Variants in PEBP4 observed in about 807,000 individuals in gnomAD.
PEBP4 encodes phosphatidylethanolamine-binding protein 4.
A neutral mutation model predicts 23.9 loss-of-function variants in PEBP4; 22 were observed. That is an observed-to-expected ratio of 0.92 (90% confidence interval 0.66 to 1.31). The LOEUF is 1.31. Among genes scored for constraint, PEBP4 ranks in the 40% most tolerant of loss-of-function variants. The pLI, the probability that PEBP4 is intolerant of heterozygous loss-of-function variation, is 0.00. For missense variants in PEBP4, 324 were observed against 281.7 expected (o/e 1.15, Z -1.07); for synonymous variants, 112 against 99.3 (o/e 1.13, Z -0.76).
intron 4 of PEBP4, among the ~76,000 whole-genome samples, chr8:22,806,016 A>G (rs1229674200): frequency 6.6e-6 from 1 of 152,156 alleles, no homozygotes; most frequent in Non-Finnish European, 1.5e-5. Flanking sequence ...CAACTCCCAC[A>G]TTGTGGCTTG....
intron 3 of PEBP4, among the ~76,000 whole-genome samples, chr8:22,902,144 C>A (rs1283855243): frequency 6.6e-6 from 1 of 151,916 alleles, no homozygotes; most frequent in Non-Finnish European, 1.5e-5. Flanking sequence ...CATGGACAAA[C>A]CCCTAAAAAT....
At chr8:22,880,941 G>A (rs1249958043) in intron 3 of PEBP4, among the ~76,000 whole-genome samples, 1 of 152,236 alleles carries the variant, frequency 6.6e-6, no homozygotes, top group African/African-American at 2.4e-5. Context: ...GCCCTTGCCA[G>A]GTCCCACCAC....
intron 3 of PEBP4, among the ~76,000 whole-genome samples, chr8:22,906,643 C>A (rs1395351128): frequency 6.6e-6 from 1 of 152,222 alleles, no homozygotes; most frequent in Non-Finnish European, 1.5e-5. Context: ...CCATCACCAC[C>A]ATCATCCTCA....
chr8:22,870,748 A>T (rs964553486), intron 3 of PEBP4, among the ~76,000 whole-genome samples: 1 of 152,110 alleles, frequency 6.6e-6, no homozygotes. Flanking sequence ...TGGGGACCAA[A>T]AACTGCTCTA....
chr8:22,722,193 A>T (rs915723122), intron 6 of PEBP4, among the ~76,000 whole-genome samples: 2 of 151,928 alleles, frequency 1.3e-5, no homozygotes, highest in African/African-American at 4.8e-5. Flanking sequence ...AAAAAAAAAA[A>T]ATCTATGGTT....
At chr8:22,830,858 G>A (rs1339264290) in intron 3 of PEBP4, among the ~76,000 whole-genome samples, 1 of 152,046 alleles carries the variant, frequency 6.6e-6, no homozygotes, top group Non-Finnish European at 1.5e-5. Context: ...TGGTCTCTTT[G>A]AAACCCTAAG....
At chr8:22,805,460 G>A (rs934676478) in intron 4 of PEBP4, among the ~76,000 whole-genome samples, 17 of 152,230 alleles carry the variant, frequency 1.1e-4, no homozygotes, top group African/African-American at 4.1e-4. Context: ...CCAAGTAGCT[G>A]GGATTACAGG....
chr8:22,931,234 A>C (rs1468953685), upstream of PEBP4, among the ~76,000 whole-genome samples: 1 of 152,202 alleles, frequency 6.6e-6, no homozygotes, highest in Non-Finnish European at 1.5e-5. Flanking sequence ...ATTAAAAATT[A>C]ATTGAGATAT....
At chr8:22,837,340 G>A (rs1347795592) in intron 3 of PEBP4, among the ~76,000 whole-genome samples, 3 of 152,170 alleles carry the variant, frequency 2.0e-5, no homozygotes, top group East Asian at 3.8e-4. Flanking sequence ...AAATCAGGCC[G>A]TGACTTGTAG....
At chr8:22,920,095 G>A (rs940890605) in intron 3 of PEBP4, 89 bp downstream of exon 3, 33 of 1,516,928 alleles carry the variant, frequency 2.2e-5, no homozygotes, top group East Asian at 4.6e-5. Context: ...GGCTCTGCAC[G>A]CAGCTTCAAG....
intron 3 of PEBP4, among the ~76,000 whole-genome samples, chr8:22,828,682 C>T (rs1157763695): frequency 6.6e-6 from 1 of 152,204 alleles, no homozygotes; most frequent in East Asian, 1.9e-4. Context: ...GTCTTGGTTG[C>T]TGTCATCTAT....
chr8:22,916,027 T>C (rs914064125), intron 3 of PEBP4, among the ~76,000 whole-genome samples: 1 of 152,168 alleles, frequency 6.6e-6, no homozygotes, highest in Non-Finnish European at 1.5e-5. Flanking sequence ...TGGGCTGGCA[T>C]GAAATGCACT....
chr8:22,740,965 C>A (rs925199687), intron 4 of PEBP4, among the ~76,000 whole-genome samples: 10 of 152,180 alleles, frequency 6.6e-5, no homozygotes, highest in East Asian at 3.9e-4. Context: ...ATGCTCCCCC[C>A]ACCTACCCTA....
intron 4 of PEBP4, among the ~76,000 whole-genome samples, chr8:22,801,998 G>A (rs758573122): frequency 2.9e-4 from 44 of 152,118 alleles, no homozygotes; most frequent in Non-Finnish European, 5.6e-4. Context: ...TCAGTCAAGG[G>A]CTTGATGGGC....
intron 6 of PEBP4, among the ~76,000 whole-genome samples, chr8:22,714,724 T>C (rs574551108): frequency 1.3e-5 from 2 of 151,904 alleles, no homozygotes; most frequent in Non-Finnish European, 2.9e-5. Context: ...CACTTGAGAC[T>C]CACGGGCCAC....
intron 1 of PEBP4, among the ~76,000 whole-genome samples, chr8:22,940,211 C>T (rs1809591703): frequency 6.6e-6 from 1 of 152,184 alleles, no homozygotes; most frequent in African/African-American, 2.4e-5. Context: ...CTTCCTATAT[C>T]ATGGAAGGGA....
intron 4 of PEBP4, among the ~76,000 whole-genome samples, chr8:22,805,721 A>G (rs978792978): frequency 6.6e-6 from 1 of 152,218 alleles, no homozygotes; most frequent in Non-Finnish European, 1.5e-5. Context: ...CAGCAGGTAT[A>G]TGGAAATACT....
At chr8:22,808,735 C>T (rs1806553960) in intron 4 of PEBP4, among the ~76,000 whole-genome samples, 1 of 152,202 alleles carries the variant, frequency 6.6e-6, no homozygotes, top group Admixed American at 6.5e-5. Flanking sequence ...GTTGACTAAA[C>T]CATTGAGTAT....
intron 3 of PEBP4, among the ~76,000 whole-genome samples, chr8:22,837,469 C>T (rs1473066820): frequency 6.6e-6 from 1 of 152,178 alleles, no homozygotes; most frequent in East Asian, 1.9e-4. Context: ...CATTGCTGCC[C>T]GATAATCTTC....
Sources: gnomAD v4.1 joint callset for allele counts (sites outside exome capture counted in the v4.1 genomes callset) on GRCh38, gnomAD v4.1.1 for gene constraint, MANE v1.5 for transcripts, NCBI Gene and HGNC (gene_info 2026-07-23, HGNC 2026-07-21) for gene names.